The following MYH3 variants were observed in gnomAD, a reference collection of about 807,000 sequenced individuals.
MYH3 encodes myosin heavy chain 3, also known as myosin-3.
A neutral mutation model predicts 238.0 loss-of-function variants in MYH3; 130 were observed. That is an observed-to-expected ratio of 0.55 (90% CI 0.47 to 0.63). The LOEUF is 0.63. MYH3 is among the 30% of genes least tolerant of loss of function. The pLI is 0.00. For synonymous variants in MYH3, 880 were observed against 924.1 expected (o/e 0.95, Z 0.86); for missense variants, 1,853 against 2,374.9 (o/e 0.78, Z 4.57).
rs143550129 is a variant in MYH3, at chr17:10,638,245, C to T, written c.3527G>A (p.Arg1176His). The T allele has an allele frequency of 7.4e-6, 12 of 1,613,800 alleles. No homozygotes were observed. The Middle Eastern group carries it at 8.2e-4, about 111-fold the overall frequency. Residue 1176 changes from arginine (R) to histidine (H), a missense_variant, in exon 27 of 41, where the codon CGC becomes CAC. By Grantham distance (29) the Arg-to-His change is conservative (BLOSUM62 0). Transcript: ENST00000583535. Reference sequence around the variant, plus strand: ...CAGTGTGGCCTCCTCCAGGTCCCTGCGCAGCTTCAGGAACTCCGCCTCCCG... The same window carrying T: ...CAGTGTGGCCTCCTCCAGGTCCCTGTGCAGCTTCAGGAACTCCGCCTCCCG... ...KKREAEFLKL[R>H]RDLEEATLQH...
chr17:10,652,341 C>CCA (rs551827750), intron 4 of MYH3, 79 bp downstream of exon 4: 1 of 1,538,402 alleles, frequency 6.5e-7, no homozygotes, highest in Non-Finnish European at 8.9e-7. Flanking sequence ...ATCCCACGGC[C>CCA]CACACACATA....
chr17:10,644,032 C>T (rs1172419624), intron 14 of MYH3, among the ~76,000 whole-genome samples: 4 of 151,818 alleles, frequency 2.6e-5, no homozygotes, highest in South Asian at 2.1e-4. Context: ...TGGTGGCACA[C>T]GCCTGTAATC....
chr17:10,641,200 C>T lies in MYH3; in HGVS notation c.2050G>A (p.Ala684Thr). Residue 684 changes from alanine (A) to threonine (T), a missense_variant and splice_region_variant, in exon 19 of 41, where the codon GCT becomes ACT. Transcript: ENST00000583535. Reference sequence around the variant, plus strand: ...TGCAGAACAAGGCTGTGTTCCATAGCCCCTGGGAACAGAAGCGAGATATCA... The same window carrying T: ...TGCAGAACAAGGCTGTGTTCCATAGTCCCTGGGAACAGAAGCGAGATATCA... Reference protein sequence around the residue: ...IIPNETKTPGAMEHSLVLHQL... With the variant: ...IIPNETKTPGTMEHSLVLHQL... 3 of 1,613,658 alleles carry T rather than the reference C, an allele frequency of 1.9e-6. No homozygotes were observed. The highest frequency in any genetic ancestry group is 4.5e-5 in the East Asian group (2 of 44,876).
intron 40 of MYH3, 79 bp downstream of exon 40, chr17:10,629,518 A>G: frequency 6.3e-7 from 1 of 1,583,820 alleles, no homozygotes; most frequent in Non-Finnish European, 8.6e-7. Flanking sequence ...CTCTAAAGTA[A>G]AGGGTTCTCT....
At chr17:10,643,091 AAC>A in intron 14 of MYH3, 95 bp from the exon 15 acceptor site, 1 of 1,601,056 alleles carries the variant, frequency 6.2e-7, no homozygotes, top group Non-Finnish European at 8.5e-7. Flanking sequence ...GTTCCTGTCA[AAC>A]ACATTAATGC....
intron 38 of MYH3, 76 bp from the exon 39 acceptor site, chr17:10,630,013 CAA>C: frequency 4.4e-6 from 7 of 1,604,642 alleles, no homozygotes; most frequent in Non-Finnish European, 5.1e-6. Context: ...CTTTCTGGGC[CAA>C]AGTGTTTCTT....
upstream of MYH3, chr17:10,659,022 AG>A (rs1489630444): frequency 6.7e-6 from 1 of 149,400 alleles, no homozygotes; most frequent in Non-Finnish European, 1.5e-5. Context: ...CATCTCCAGC[AG>A]TGGTGTATGC....
At chr17:10,639,843 G>C in intron 22 of MYH3, 41 bp from the exon 23 acceptor site, 1 of 1,611,424 alleles carries the variant, frequency 6.2e-7, no homozygotes, top group Non-Finnish European at 8.5e-7. Context: ...AATGATATAA[G>C]GTTTGCGACA....
chr17:10,655,664 T>C (rs1210772845), intron 2 of MYH3, among the ~76,000 whole-genome samples: 1 of 151,984 alleles, frequency 6.6e-6, no homozygotes, highest in Non-Finnish European at 1.5e-5. Flanking sequence ...TCCTTGCCTT[T>C]TTTTTTTGAG....
chr17:10,638,834 T>C (rs770745733), intron 26 of MYH3, 39 bp downstream of exon 26: 3 of 1,588,128 alleles, frequency 1.9e-6, no homozygotes, highest in East Asian at 4.5e-5. Context: ...TCACTGTAAG[T>C]GGCCTCACAT....
At chr17:10,666,817 A>T in the MYH3 span, among the ~76,000 whole-genome samples, 1 of 152,194 alleles carries the variant, frequency 6.6e-6, no homozygotes, top group Non-Finnish European at 1.5e-5. Context: ...TGTAATTTAC[A>T]TCACAAAGGG....
chr17:10,645,695 C>T lies in MYH3; in HGVS notation c.1141+12G>A, dbSNP rs2074314454. ...CCACCCGCTCTGGTTTGCTGTCACA[C>T]TGATTTTGTACCTTCTGTGCCATCC... On this transcript the variant is annotated intron_variant, in intron 12 of 40. Transcript: ENST00000583535. 1.2e-6 allele frequency: 2 copies of T among 1,612,154 alleles called. No homozygotes were observed. Among genetic ancestry groups the T allele is most frequent in the South Asian group, 1.1e-5 (1 of 91,006 alleles).
intron 32 of MYH3, 93 bp from the exon 33 acceptor site, chr17:10,633,808 T>C: frequency 6.4e-7 from 1 of 1,567,184 alleles, no homozygotes; most frequent in Non-Finnish European, 8.7e-7. Context: ...ACCTGGTTTA[T>C]TATAATCCTA....
intron 34 of MYH3, 42 bp downstream of exon 34, chr17:10,632,434 G>A (rs1884714886): frequency 6.3e-7 from 1 of 1,590,846 alleles, no homozygotes; most frequent in African/African-American, 1.3e-5. Flanking sequence ...TTCTGAGTAT[G>A]TGAGGAGGAG....
chr17:10,671,741 G>A, the MYH3 span, among the ~76,000 whole-genome samples: 8 of 151,734 alleles, frequency 5.3e-5, no homozygotes, highest in South Asian at 2.1e-4. Context: ...CACCACGCCC[G>A]GCTAATTTTT....
upstream of MYH3, among the ~76,000 whole-genome samples, chr17:10,661,702 C>T (rs9890830): frequency 6.0e-3 from 910 of 152,306 alleles, 11 homozygotes; most frequent in Middle Eastern, 0.017. Flanking sequence ...GTCCTGAGAA[C>T]GGATGCTGGG....
chr17:10,629,219 C>T (rs1267326728), intron 40 of MYH3, among the ~76,000 whole-genome samples: 1 of 152,056 alleles, frequency 6.6e-6, no homozygotes, highest in Non-Finnish European at 1.5e-5. Flanking sequence ...GTGATGTTCC[C>T]CTCCCTGTGT....
chr17:10,633,906 T>C (rs542772988), intron 32 of MYH3, 111 bp downstream of exon 32: 1 of 1,494,206 alleles, frequency 6.7e-7, no homozygotes, highest in African/African-American at 1.4e-5. Flanking sequence ...TGCATGTGCA[T>C]TAACACACAT....
chr17:10,644,033 G>A (rs979705970), intron 14 of MYH3, among the ~76,000 whole-genome samples: 1 of 151,934 alleles, frequency 6.6e-6, no homozygotes, highest in Non-Finnish European at 1.5e-5. Context: ...GGTGGCACAC[G>A]CCTGTAATCC....
Sources: gnomAD v4.1 joint callset for allele counts (sites outside exome capture counted in the v4.1 genomes callset) on GRCh38, gnomAD v4.1.1 for gene constraint, MANE v1.5 for transcripts, NCBI Gene and HGNC (gene_info 2026-07-23, HGNC 2026-07-21) for gene names.